Variants in CEP112 observed in about 807,000 individuals in gnomAD.
CEP112 encodes the protein centrosomal protein 112.
Under a neutral mutation model 153.0 loss-of-function variants are expected in CEP112, and 127 were observed. That is an observed-to-expected ratio of 0.83 (90% CI 0.72 to 0.96). The LOEUF (loss-of-function observed/expected upper bound fraction) is 0.96, where lower values mean the gene tolerates loss of function less well. CEP112 is among the 40% of genes least tolerant of loss of function. The pLI is 0.00. For missense variants in CEP112, 1,089 were observed against 1,101.2 expected, an observed-to-expected ratio of 0.99 and a Z score of 0.16; for synonymous variants, 358 against 374.4, an observed-to-expected ratio of 0.96 and a Z score of 0.51.
intron 12 of CEP112, among the ~76,000 whole-genome samples, chr17:66,033,344 T>C (rs2065575317): frequency 6.6e-6 from 1 of 152,214 alleles, no homozygotes; most frequent in Admixed American, 6.5e-5. Context: ...GTAAAATTAT[T>C]AAACTTCAAG....
chr17:65,969,590 T>C (rs188496593), intron 17 of CEP112, among the ~76,000 whole-genome samples: 1 of 152,314 alleles, frequency 6.6e-6, no homozygotes, highest in African/African-American at 2.4e-5. Context: ...TACACATATA[T>C]TGCATGCACG....
intron 21 of CEP112, among the ~76,000 whole-genome samples, chr17:65,791,910 C>T (rs561349479): frequency 5.9e-5 from 9 of 152,168 alleles, no homozygotes; most frequent in South Asian, 2.1e-4. Context: ...TCACTGAGTC[C>T]GCAACTCTCA....
chr17:66,150,794 T>A (rs770812409), intron 4 of CEP112, among the ~76,000 whole-genome samples: 2 of 152,262 alleles, frequency 1.3e-5, no homozygotes, highest in Non-Finnish European at 2.9e-5. Flanking sequence ...GAATAATAAA[T>A]GCAATAATGT....
intron 18 of CEP112, among the ~76,000 whole-genome samples, chr17:65,948,064 G>GT (rs2061702376): frequency 1.3e-5 from 2 of 152,108 alleles, no homozygotes; most frequent in African/African-American, 4.8e-5. Context: ...TTGCTTCCTT[G>GT]TAAGTTGAGA....
chr17:65,637,459 G>A (rs2044834124), intron 25 of CEP112, among the ~76,000 whole-genome samples: 1 of 152,090 alleles, frequency 6.6e-6, no homozygotes, highest in Non-Finnish European at 1.5e-5. Context: ...CTGTCCTCAC[G>A]CCCTGCCCAC....
At chr17:65,958,082 AATT>A (rs1424787823) in intron 18 of CEP112, among the ~76,000 whole-genome samples, 1 of 152,132 alleles carries the variant, frequency 6.6e-6, no homozygotes, top group Non-Finnish European at 1.5e-5. Flanking sequence ...GATTTGTAAC[AATT>A]ATTTAAATTT....
At chr17:65,665,296 T>G (rs1174004882) in intron 24 of CEP112, among the ~76,000 whole-genome samples, 2 of 152,172 alleles carry the variant, frequency 1.3e-5, no homozygotes, top group African/African-American at 4.8e-5. Flanking sequence ...GGAGGTACAT[T>G]AAGAGCCTCA....
At chr17:66,048,271 T>C (rs2066296880) in intron 12 of CEP112, among the ~76,000 whole-genome samples, 1 of 152,150 alleles carries the variant, frequency 6.6e-6, no homozygotes, top group Non-Finnish European at 1.5e-5. Flanking sequence ...TCAAGAGTAA[T>C]TATGAAGCTG....
chr17:65,937,052 G>T (rs200774246), intron 18 of CEP112, among the ~76,000 whole-genome samples: 1 of 149,200 alleles, frequency 6.7e-6, no homozygotes, highest in African/African-American at 2.5e-5. Context: ...TCCTCACCGC[G>T]AGTGATCCGC....
chr17:65,647,490 T>C (rs1244152153), intron 24 of CEP112, among the ~76,000 whole-genome samples: 7 of 118,976 alleles, frequency 5.9e-5, no homozygotes, highest in Non-Finnish European at 1.0e-4. Context: ...TTTTTTTTTT[T>C]CAAGAGACAG....
intron 17 of CEP112, among the ~76,000 whole-genome samples, chr17:65,983,504 T>C (rs1292839774): frequency 1.3e-5 from 2 of 152,160 alleles, no homozygotes; most frequent in Non-Finnish European, 2.9e-5. Flanking sequence ...GACTCCCTCA[T>C]GAATGTCTTG....
intron 23 of CEP112, among the ~76,000 whole-genome samples, chr17:65,734,421 A>C (rs1036184539): frequency 6.6e-6 from 1 of 152,214 alleles, no homozygotes; most frequent in African/African-American, 2.4e-5. Context: ...ACAACCCCAA[A>C]GAGGTTTTGT....
intron 19 of CEP112, among the ~76,000 whole-genome samples, chr17:65,917,218 T>A (rs1048161208): frequency 1.3e-5 from 2 of 152,124 alleles, no homozygotes; most frequent in Non-Finnish European, 2.9e-5. Context: ...TTTGTCTTGA[T>A]CACCACTGAG....
intron 19 of CEP112, among the ~76,000 whole-genome samples, chr17:65,925,522 C>T (rs73346885): frequency 0.037 from 5,624 of 152,256 alleles, 317 homozygotes; most frequent in African/African-American, 0.12. Flanking sequence ...ATTTCCTTTT[C>T]TACTGGTCCA....
At chr17:66,176,740 C>T (rs1481479481) in intron 3 of CEP112, 90 bp downstream of exon 3, 2 of 969,280 alleles carry the variant, frequency 2.1e-6, no homozygotes, top group Non-Finnish European at 3.0e-6. Context: ...CACATACAAC[C>T]TAATAGTATT....
chr17:66,069,282 A>G (rs2067227067), intron 9 of CEP112, among the ~76,000 whole-genome samples: 1 of 152,048 alleles, frequency 6.6e-6, no homozygotes, highest in Admixed American at 6.6e-5. Context: ...ATACATTATT[A>G]TCACTAAATG....
chr17:66,075,509 G>T (rs1191102654), intron 8 of CEP112, among the ~76,000 whole-genome samples: 1 of 151,880 alleles, frequency 6.6e-6, no homozygotes, highest in Non-Finnish European at 1.5e-5. Flanking sequence ...AGGCAAGAAA[G>T]GAGCAACAGA....
At chr17:66,063,479 G>C (rs2066999835) in intron 10 of CEP112, among the ~76,000 whole-genome samples, 1 of 152,008 alleles carries the variant, frequency 6.6e-6, no homozygotes, top group African/African-American at 2.4e-5. Context: ...TGGTATAATG[G>C]ACTTTGGAGA....
intron 24 of CEP112, among the ~76,000 whole-genome samples, chr17:65,687,160 A>ATTTTTTTTTTTTTTTTTTTTTTT (rs35675811): frequency 1.1e-5 from 1 of 90,142 alleles, no homozygotes; most frequent in Non-Finnish European, 2.0e-5. Context: ...GTTATTATTA[A>ATTTTTTTTTTTTTTTTTTTTTTT]TTTTTTTTTT....
Sources: gnomAD v4.1 joint callset for allele counts (sites outside exome capture counted in the v4.1 genomes callset) on GRCh38, gnomAD v4.1.1 for gene constraint, MANE v1.5 for transcripts, NCBI Gene and HGNC (gene_info 2026-07-23, HGNC 2026-07-21) for gene names.